MRPL15: variants seen among roughly 807,000 people sequenced by gnomAD.
MRPL15 encodes the protein large ribosomal subunit protein uL15m.
In MRPL15, 24 loss-of-function variants were observed where a neutral mutation model predicts 28.0. The ratio of observed to expected loss-of-function variants is 0.86; its 90% CI spans 0.62 to 1.21. The LOEUF (loss-of-function observed/expected upper bound fraction) is 1.21. Ranked by LOEUF, MRPL15 falls within the 50% of genes most tolerant of loss-of-function variation. The pLI, the probability that MRPL15 is intolerant of heterozygous loss-of-function variation, is 0.00. For missense variants in MRPL15, 343 were observed against 372.4 expected, an observed-to-expected ratio of 0.92 and a Z score of 0.65; for synonymous variants, 124 against 137.0, an observed-to-expected ratio of 0.90 and a Z score of 0.66.
At position 54,148,035 on chromosome 8, in the gene MRPL15, G is replaced by C; in HGVS notation, c.*316G>C. ...TCATCCAGGCCTTGTTACTGTTACAGATCAGAATGAAATGCACAAGTGGAA... is the reference window on the plus strand; with the variant it reads ...TCATCCAGGCCTTGTTACTGTTACACATCAGAATGAAATGCACAAGTGGAA... On this transcript the variant is annotated 3_prime_UTR_variant, in exon 5 of 5. Transcript: ENST00000260102. 1 of 249,790 alleles carries C rather than the reference G, an allele frequency of 4.0e-6. No homozygotes were observed. The highest frequency in any genetic ancestry group is 6.8e-5 in the South Asian group (1 of 14,658). 15.5% of individuals were successfully genotyped at this position (249,790 alleles called of 1,614,324 possible). A position where few individuals can be genotyped will look rare whatever the true frequency, so the allele number is the denominator to read the frequency against.
Position 54,137,428 on chromosome 8 carries a change from G to A in MRPL15, c.424G>A (p.Glu142Lys), listed in dbSNP as rs2129239420. 6.2e-7 allele frequency: 1 copy of A among 1,613,726 alleles called. No homozygotes were observed. The highest frequency in any genetic ancestry group is 8.5e-7 in the Non-Finnish European group (1 of 1,179,950). ...LKRDYGVQLV[E>K]EGADTFTAKV... ...AAGGGATTATGGTGTCCAGCTGGTT[G>A]AGGAGGTAAGTCTTGATTAGATCTT... The change falls in exon 3 of 5, where the codon GAG becomes AAG. Residue 142 changes from glutamate (E) to lysine (K), a missense_variant. By Grantham distance (56) the Glu-to-Lys change is moderately conservative (BLOSUM62 1). Coordinates refer to ENST00000260102, the MANE Select transcript of MRPL15 (RefSeq NM_014175.4).
intron 3 of MRPL15, among the ~76,000 whole-genome samples, chr8:54,138,791 C>T (rs1414060490): frequency 2.0e-5 from 3 of 152,066 alleles, no homozygotes; most frequent in African/African-American, 7.2e-5. Context: ...ATATAAGCTC[C>T]CTTGAGGGCA....
Position 54,147,712 on chromosome 8 carries a change from C to T in MRPL15, c.884C>T (p.Thr295Ile), listed in dbSNP as rs1326716435. ...GATGAAAATCTCCTTAAGTATTATA[C>T]CTCATGAATTCCCGTCCAAGGAAGC... ...PTDENLLKYY[T>I]S Residue 295 changes from threonine to isoleucine, a missense_variant, in exon 5 of 5, where the codon ACC becomes ATC. Physicochemically the swap from Thr to Ile is moderately conservative, Grantham distance 89. Coordinates refer to ENST00000260102, the MANE Select transcript of MRPL15 (RefSeq NM_014175.4). 1 of 1,605,128 alleles carries T rather than the reference C, an allele frequency of 6.2e-7. No individual in the cohort carries two copies. Among genetic ancestry groups the T allele is most frequent in the African/African-American group, 1.3e-5 (1 of 74,578 alleles).
rs1163856204 is a variant in MRPL15, at chr8:54,135,345, G to A, written c.62G>A (p.Arg21His). The change falls in exon 1 of 5, where the codon CGT (arginine) becomes CAT (histidine). Residue 21 changes from arginine (R) to histidine (H), a missense_variant. Physicochemically the swap from Arg to His is conservative, Grantham distance 29 (BLOSUM62 0). Transcript: ENST00000260102. Reference sequence around the variant, plus strand: ...CTGGACCTACTCCGGGGCCTGCCGCGTGTGAGCCTGGCCAACTTAAAGCCG... The same window carrying A: ...CTGGACCTACTCCGGGGCCTGCCGCATGTGAGCCTGGCCAACTTAAAGCCG... ...RALDLLRGLPRVSLANLKPNP... is the reference protein window; with the variant it reads ...RALDLLRGLPHVSLANLKPNP... The A allele has an allele frequency of 1.3e-6, 2 of 1,511,432 alleles. No homozygotes were observed. The highest frequency in any genetic ancestry group is 1.8e-6 in the Non-Finnish European group (2 of 1,126,706). 93.6% of individuals were successfully genotyped at this position (1,511,432 alleles called of 1,614,324 possible).
At chr8:54,147,348 G>C (rs1811059979) in intron 4 of MRPL15, 34 bp from the exon 5 acceptor site, 2 of 1,505,782 alleles carry the variant, frequency 1.3e-6, no homozygotes, top group Non-Finnish European at 1.8e-6. Flanking sequence ...GCTAATATTT[G>C]CATCTCACTT....
chr8:54,138,490 TTTA>T (rs1360254033), intron 3 of MRPL15, among the ~76,000 whole-genome samples: 3 of 151,360 alleles, frequency 2.0e-5, no homozygotes. Context: ...GCTAATTTTT[TTTA>T]TTTTTAGTAG....
At chr8:54,138,301 CTT>C (rs71254537) in intron 3 of MRPL15, among the ~76,000 whole-genome samples, 1 of 56,990 alleles carries the variant, frequency 1.8e-5, no homozygotes. Flanking sequence ...TCAGGAAGAT[CTT>C]TTTTTTTTTT....
In MRPL15 at chr8:54,136,552, C is replaced by T. The variant is rs187177795; in HGVS notation, c.150C>T (p.Gly50=). The T allele has an allele frequency of 3.7e-5, 60 of 1,614,036 alleles. No homozygotes were observed. The Admixed American group carries it at 9.7e-4, about 26-fold the overall frequency. Residue 50 remains glycine, a synonymous_variant, in exon 2 of 5, where the codon GGC becomes GGT. Coordinates refer to ENST00000260102, the MANE Select transcript of MRPL15 (RefSeq NM_014175.4). ...PRGRRRGRKC[G]RGHKGERQRG... ...GTCGGAGAAGAGGTAGAAAATGTGGCAGAGGCCATAAAGGAGAAAGGCAAA... is the reference window on the plus strand; with the variant it reads ...GTCGGAGAAGAGGTAGAAAATGTGGTAGAGGCCATAAAGGAGAAAGGCAAA...
At position 54,136,654 on chromosome 8, in the gene MRPL15, C is replaced by G. The variant is rs1370279914; in HGVS notation, c.252C>G (p.Asn84Lys). The G allele has an allele frequency of 3.1e-6, 5 of 1,613,850 alleles. No individual in the cohort carries two copies. Among genetic ancestry groups the G allele is most frequent in the Non-Finnish European group, 3.4e-6 (4 of 1,179,934 alleles). ...FYIRIPKYGF[N>K]EGHSFRRQYK... The stretch of plus-strand genomic sequence containing the variant: ...TCCGAATCCCAAAATACGGGTTTAA[C>G]GAAGGACATAGGTAAGGTTGCTTTG... The change falls in exon 2 of 5, where the codon AAC (asparagine) becomes AAG (lysine). Residue 84 changes from asparagine (N) to lysine (K), a missense_variant. By Grantham distance (94) the Asn-to-Lys change is moderately conservative. Coordinates refer to ENST00000260102, the MANE Select transcript of MRPL15 (RefSeq NM_014175.4).
intron 1 of MRPL15, 110 bp downstream of exon 1, chr8:54,135,501 A>C (rs1460950499): frequency 2.4e-6 from 2 of 843,110 alleles, no homozygotes; most frequent in East Asian, 3.3e-5. Flanking sequence ...TGTTGGGATG[A>C]AAATAGGATT....
rs535756277 is a variant in MRPL15 at position 54,146,802 on chromosome 8, A to G, written c.554-580A>G. 1.1e-3 allele frequency among the ~76,000 whole-genome samples: 168 copies of G among 152,300 alleles called. 1 individual carries two copies. Among genetic ancestry groups the G allele is most frequent in the African/African-American group, 3.9e-3 (160 of 41,558 alleles). On this transcript the variant is annotated intron_variant, in intron 4 of 4. Coordinates refer to ENST00000260102, the MANE Select transcript of MRPL15 (RefSeq NM_014175.4). ...CTTGTGCGTAGGCCTTTTTTTCACT[A>G]TCTCACTTTCAGAACATGTGTCTCG...
intron 4 of MRPL15, among the ~76,000 whole-genome samples, chr8:54,144,665 G>A (rs1435676199): frequency 6.6e-6 from 1 of 151,980 alleles, no homozygotes; most frequent in Non-Finnish European, 1.5e-5. Context: ...CAACTACTCG[G>A]GAGACTAAGG....
At position 54,142,692 on chromosome 8, in the gene MRPL15, T is replaced by C. The variant is rs143467923; in HGVS notation, c.459T>C (p.Asn153=). Residue 153 remains asparagine (N), a synonymous_variant, in exon 4 of 5, where the codon AAT becomes AAC. Coordinates refer to ENST00000260102, the MANE Select transcript of MRPL15 (RefSeq NM_014175.4). ...CTGACACCTTTACGGCAAAAGTTAA[T>C]ATTGAAGTACAGTTGGCTTCAGAAC... is the stretch of plus-strand genomic sequence containing the variant. ...EGADTFTAKV[N]IEVQLASELA... is the part of the protein sequence containing the mutation. 6.2e-7 allele frequency: 1 copy of C among 1,614,148 alleles called. No homozygotes were observed. The highest frequency in any genetic ancestry group is 8.5e-7 in the Non-Finnish European group (1 of 1,180,024).
chr8:54,143,811 T>C (rs1810971956), intron 4 of MRPL15, among the ~76,000 whole-genome samples: 2 of 152,198 alleles, frequency 1.3e-5, no homozygotes, highest in South Asian at 4.1e-4. Flanking sequence ...CCTTCCTCCA[T>C]ACACCGAGCC....
At chr8:54,147,317 C>T in intron 4 of MRPL15, 65 bp from the exon 5 acceptor site, 2 of 1,173,650 alleles carry the variant, frequency 1.7e-6, no homozygotes, top group Middle Eastern at 2.7e-4. Flanking sequence ...GTTAGAGTTA[C>T]ATCTCTAGGT....
chr8:54,147,431 A>G lies in MRPL15; in HGVS notation c.603A>G (p.Pro201=). Residue 201 remains proline, a synonymous_variant, in exon 5 of 5, where the codon CCA becomes CCG. Transcript: ENST00000260102. The stretch of plus-strand genomic sequence containing the variant: ...TCTTTCTTCGTGGACAACCCATTCC[A>G]AAAAGAATGCTTCCACCAGAAGAAC... ...VPFFLRGQPI[P]KRMLPPEELV... is the part of the protein sequence containing the mutation. 3 of 1,613,878 alleles carry G rather than the reference A, an allele frequency of 1.9e-6. No individual in the cohort carries two copies. The highest frequency in any genetic ancestry group is 1.1e-5 in the South Asian group (1 of 91,060).
intron 1 of MRPL15, among the ~76,000 whole-genome samples, chr8:54,135,640 T>G (rs1180807905): frequency 7.1e-6 from 1 of 141,222 alleles, no homozygotes; most frequent in Non-Finnish European, 1.5e-5. Context: ...TTCTCCTGCC[T>G]CAGCCTCCCG....
chr8:54,144,117 C>T (rs1268678428), intron 4 of MRPL15, among the ~76,000 whole-genome samples: 1 of 152,224 alleles, frequency 6.6e-6, no homozygotes, highest in East Asian at 1.9e-4. Context: ...TTCTTTCTTT[C>T]CCATCTCTCA....
At chr8:54,136,022 C>T (rs1202636520) in intron 1 of MRPL15, among the ~76,000 whole-genome samples, 1 of 152,150 alleles carries the variant, frequency 6.6e-6, no homozygotes, top group African/African-American at 2.4e-5. Context: ...GCTAGAAAAG[C>T]TGTTAGTTGA....
Sources: gnomAD v4.1 joint callset for allele counts (sites outside exome capture counted in the v4.1 genomes callset) on GRCh38, gnomAD v4.1.1 for gene constraint, MANE v1.5 for transcripts, NCBI Gene and HGNC (gene_info 2026-07-23, HGNC 2026-07-21) for gene names.